The following MYO18B variants were observed in gnomAD, a reference collection of about 807,000 sequenced individuals.
MYO18B encodes unconventional myosin-XVIIIb.
A neutral mutation model predicts 273.0 loss-of-function variants in MYO18B; 204 were observed. That is an observed-to-expected ratio of 0.75 (90% CI 0.67 to 0.84). MYO18B has a LOEUF of 0.84. Ranked by LOEUF, MYO18B falls within the 40% of genes least tolerant of loss-of-function variation. The probability of loss-of-function intolerance (pLI) is 0.00; values close to 1 mark genes in which losing one functional copy is unlikely to be tolerated. For missense variants in MYO18B, 3,212 were observed against 3,287.6 expected (o/e 0.98, Z 0.56); for synonymous variants, 1,330 against 1,305.7 (o/e 1.02, Z -0.40).
At chr22:26,059,164 TG>T in the MYO18B span, among the ~76,000 whole-genome samples, 1 of 152,164 alleles carries the variant, frequency 6.6e-6, no homozygotes, top group Non-Finnish European at 1.5e-5. Flanking sequence ...CTCCCAGAAG[TG>T]GTGAATGCCA....
intron 27 of MYO18B, chr22:25,892,679 AT>A (rs1285096179): frequency 6.6e-6 from 1 of 152,184 alleles, no homozygotes; most frequent in African/African-American, 2.4e-5. Context: ...TTTCTGTTTC[AT>A]TCTTGTTCTT....
At chr22:25,882,961 AAC>A (rs1420559124) in intron 25 of MYO18B, among the ~76,000 whole-genome samples, 2 of 152,084 alleles carry the variant, frequency 1.3e-5, no homozygotes, top group African/African-American at 4.8e-5. Context: ...CAGTAGAGTA[AAC>A]ACAGCTCACT....
chr22:25,887,162 C>T (rs761864065), intron 25 of MYO18B, among the ~76,000 whole-genome samples: 9 of 152,294 alleles, frequency 5.9e-5, no homozygotes, highest in Middle Eastern at 6.8e-3. Flanking sequence ...AGCCAAGACC[C>T]GTGTGTGCCC....
intron 19 of MYO18B, 89 bp from the exon 20 acceptor site, chr22:25,847,341 T>C (rs1210633455): frequency 4.1e-6 from 5 of 1,220,970 alleles, no homozygotes; most frequent in African/African-American, 1.5e-5. Flanking sequence ...GATGCTCAGG[T>C]TGGGCTTAAT....
At chr22:26,022,270 GAAAAAA>G (rs11448415) in intron 42 of MYO18B, among the ~76,000 whole-genome samples, 1 of 138,234 alleles carries the variant, frequency 7.2e-6, no homozygotes, top group East Asian at 2.3e-4. Flanking sequence ...AGGACAGCTA[GAAAAAA>G]AAAAAAAAGA....
intron 1 of MYO18B, among the ~76,000 whole-genome samples, chr22:25,742,716 GC>G (rs2085663774): frequency 6.6e-6 from 1 of 152,200 alleles, no homozygotes; most frequent in Non-Finnish European, 1.5e-5. Flanking sequence ...GAAGAGCCAG[GC>G]TTCCCCTTTC....
intron 34 of MYO18B, among the ~76,000 whole-genome samples, chr22:25,923,100 G>T (rs2092372370): frequency 6.6e-6 from 1 of 152,124 alleles, no homozygotes; most frequent in African/African-American, 2.4e-5. Context: ...GGTATCCTAT[G>T]GCATGTCTTC....
At position 25,843,836 on chromosome 22, in the gene MYO18B, A is replaced by G. The variant is rs1408705037; in HGVS notation, c.3310A>G (p.Arg1104Gly). Residue 1104 changes from arginine to glycine, a missense_variant, in exon 18 of 44, where the codon AGA becomes GGA. Transcript: ENST00000335473. Reference sequence around the variant, plus strand: ...GTACGACCTCACGGGCTGGCTCCACAGAGCCAAGCCCAACCTCTCGGCCCT... The same window carrying G: ...GTACGACCTCACGGGCTGGCTCCACGGAGCCAAGCCCAACCTCTCGGCCCT... The part of the protein sequence containing the change: ...VRYDLTGWLH[R>G]AKPNLSALDA... 1.9e-6 allele frequency: 3 copies of G among 1,613,670 alleles called. No individual in the cohort carries two copies. Among genetic ancestry groups the G allele is most frequent in the Admixed American group, 3.3e-5 (2 of 60,014 alleles).
intron 39 of MYO18B, 95 bp downstream of exon 39, chr22:25,955,459 G>C: frequency 1.5e-6 from 2 of 1,363,704 alleles, no homozygotes; most frequent in Non-Finnish European, 2.0e-6. Flanking sequence ...AGACTCATAG[G>C]TTTGGGTCCT....
At chr22:25,937,319 A>G (rs555462494) in intron 34 of MYO18B, among the ~76,000 whole-genome samples, 2 of 152,134 alleles carry the variant, frequency 1.3e-5, no homozygotes, top group African/African-American at 4.8e-5. Context: ...CTTGGCCTCA[A>G]CCGATTCGTT....
intron 35 of MYO18B, 79 bp from the exon 36 acceptor site, chr22:25,947,633 C>A: frequency 9.5e-7 from 1 of 1,054,004 alleles, no homozygotes; most frequent in South Asian, 1.4e-5. Context: ...AGGCAAGCCC[C>A]TCTTTGCTCT....
Position 25,768,110 on chromosome 22 carries a change from C to G in MYO18B, c.199-5C>G, listed in dbSNP as rs188649054. ...ATGTAGGCATGGTTGTGTTCTTTCT[C>G]CCAGATCCCAGAAATTTCCATCAGC... On this transcript the variant is annotated splice_region_variant and splice_polypyrimidine_tract_variant and intron_variant, in intron 3 of 43. Transcript: ENST00000335473. 14 of 1,586,078 alleles carry G rather than the reference C, an allele frequency of 8.8e-6. No individual in the cohort carries two copies. The highest frequency in any genetic ancestry group is 1.2e-5 in the Non-Finnish European group (14 of 1,165,516).
intron 6 of MYO18B, among the ~76,000 whole-genome samples, chr22:25,771,251 C>T (rs2086710288): frequency 6.6e-6 from 1 of 152,124 alleles, no homozygotes; most frequent in Non-Finnish European, 1.5e-5. Context: ...CAGGTCTTGG[C>T]CCTGGGAGTT....
At chr22:25,755,240 C>T (rs1451633583) in intron 1 of MYO18B, among the ~76,000 whole-genome samples, 1 of 151,892 alleles carries the variant, frequency 6.6e-6, no homozygotes, top group Non-Finnish European at 1.5e-5. Context: ...GAGTTTCACT[C>T]TTGTTACCCA....
intron 33 of MYO18B, among the ~76,000 whole-genome samples, chr22:25,913,005 G>T (rs912233381): frequency 6.6e-6 from 1 of 151,992 alleles, no homozygotes; most frequent in Non-Finnish European, 1.5e-5. Context: ...ACTTCTATTG[G>T]TGGGTAGTTA....
chr22:26,039,004 T>C, the MYO18B span, among the ~76,000 whole-genome samples: 1 of 152,220 alleles, frequency 6.6e-6, no homozygotes, highest in African/African-American at 2.4e-5. Context: ...GTCATTATTA[T>C]TGTGGCTGTT....
chr22:25,871,162 G>C (rs1480874260), intron 22 of MYO18B, among the ~76,000 whole-genome samples: 1 of 150,128 alleles, frequency 6.7e-6, no homozygotes. Context: ...TGAAGCTCAG[G>C]GGACAAGAGA....
intron 12 of MYO18B, among the ~76,000 whole-genome samples, chr22:25,822,920 T>C (rs5996982): frequency 0.19 from 29,631 of 152,156 alleles, 3,029 homozygotes; most frequent in Non-Finnish European, 0.21. Flanking sequence ...GTAGTTTAGG[T>C]CAGGGGTTGA....
rs1031806294 is a variant in MYO18B, at chr22:26,030,673, T to C, written c.*243T>C. The stretch of plus-strand genomic sequence containing the variant: ...GTGCCTTCTCTATGGCCTTGCTACC[T>C]GGGATTCCAGAGAGTTGATGGGGTG... On this transcript the variant is annotated 3_prime_UTR_variant, in exon 44 of 44. Transcript: ENST00000335473. 3 of 361,794 alleles carry C rather than the reference T, an allele frequency of 8.3e-6. No homozygotes were observed. Among genetic ancestry groups the C allele is most frequent in the Non-Finnish European group, 1.5e-5 (3 of 202,860 alleles). 22.4% of individuals were successfully genotyped at this position (361,794 alleles called of 1,614,324 possible).
Sources: gnomAD v4.1 joint callset for allele counts (sites outside exome capture counted in the v4.1 genomes callset) on GRCh38, gnomAD v4.1.1 for gene constraint, MANE v1.5 for transcripts, NCBI Gene and HGNC (gene_info 2026-07-23, HGNC 2026-07-21) for gene names.